Variants in CREG2 observed in about 807,000 individuals in gnomAD.
The protein encoded by CREG2 is cellular repressor of E1A stimulated genes 2.
CREG2 carries 24 observed loss-of-function variants against 26.2 expected under a neutral mutation model. That is an observed-to-expected ratio of 0.92 (90% CI 0.66 to 1.29). The LOEUF is 1.29. Among genes scored for constraint, CREG2 ranks in the 50% most tolerant of loss-of-function variants. The pLI, the probability that CREG2 is intolerant of heterozygous loss-of-function variation, is 0.00. For missense variants in CREG2, 366 were observed against 398.6 expected (o/e 0.92, Z 0.70); for synonymous variants, 174 against 169.2 (o/e 1.03, Z -0.22).
chr2:101,383,139 T>A, intron 2 of CREG2: 1 of 404,436 alleles, frequency 2.5e-6, no homozygotes, highest in Non-Finnish European at 3.5e-6. Context: ...GTTGCACGCC[T>A]CCGTGCTGGG....
Position 101,387,123 on chromosome 2 carries a change from T to C in CREG2, c.335A>G (p.Gln112Arg). The change falls in exon 1 of 4, where the codon CAG becomes CGG. Residue 112 changes from glutamine (Q) to arginine (R), a missense_variant. Physicochemically the swap from Gln to Arg is conservative, Grantham distance 43 (BLOSUM62 1). This residue lies in a region of CREG2 where 177 missense variants were observed against 183.3 expected (regional missense o/e 0.97). Transcript: ENST00000324768. This position sits in a 1 kb window ranked among gnomAD's most constrained non-coding sequence, Gnocchi z 4.7. ...AGGGCCCGGGGGCGCACTGGCCGTC[T>C]GGCCGCCCTCGCGCCGGTAGGAGAA... ...GMFSYRREGGQTASAPPGPRL... is the reference protein window; with the variant it reads ...GMFSYRREGGRTASAPPGPRL... The C allele has an allele frequency of 8.0e-7, 1 of 1,244,688 alleles. No homozygotes were observed. The highest frequency in any genetic ancestry group is 1.0e-6 in the Non-Finnish European group (1 of 995,446). The allele number at this position is 1,244,688 out of a possible 1,614,324, so 77.1% of individuals were successfully genotyped here.
intron 1 of CREG2, among the ~76,000 whole-genome samples, chr2:101,386,159 G>A (rs1325452989): frequency 6.6e-6 from 1 of 152,224 alleles, no homozygotes; most frequent in Admixed American, 6.5e-5. Flanking sequence ...TAATTTTATA[G>A]ACGAGGAAAG....
At chr2:101,355,540 C>T (rs1381813808) in intron 2 of CREG2, among the ~76,000 whole-genome samples, 174 bp from the exon 3 acceptor site, 2 of 152,066 alleles carry the variant, frequency 1.3e-5, no homozygotes, top group Non-Finnish European at 2.9e-5. Context: ...CTTTAAAATA[C>T]TCAGGCCTTG....
chr2:101,383,496 C>T (rs1382732109), intron 2 of CREG2, 37 bp downstream of exon 2: 7 of 1,609,972 alleles, frequency 4.3e-6, no homozygotes, highest in East Asian at 2.2e-5. Flanking sequence ...CAAAAACTTC[C>T]CAGGACCCGT....
intron 2 of CREG2, among the ~76,000 whole-genome samples, chr2:101,362,926 A>T (rs948805876): frequency 1.4e-4 from 21 of 152,054 alleles, no homozygotes; most frequent in African/African-American, 5.1e-4. Context: ...CCTGGTGGAG[A>T]GTGGCAGGAG....
At chr2:101,385,033 A>G (rs1684943830) in intron 1 of CREG2, among the ~76,000 whole-genome samples, 1 of 152,182 alleles carries the variant, frequency 6.6e-6, no homozygotes, top group Non-Finnish European at 1.5e-5. Flanking sequence ...CAGCATGCAG[A>G]ACTGTGAGCC....
At chr2:101,372,730 T>C (rs989673650) in intron 2 of CREG2, among the ~76,000 whole-genome samples, 1 of 152,200 alleles carries the variant, frequency 6.6e-6, no homozygotes, top group African/African-American at 2.4e-5. Context: ...AAACACAATA[T>C]TTGCAAGTCA....
At chr2:101,375,602 T>C in intron 2 of CREG2, 1 of 178,938 alleles carries the variant, frequency 5.6e-6, no homozygotes, top group Non-Finnish European at 1.2e-5. Flanking sequence ...GGTGGCTGAG[T>C]GCCCTCTGTG....
intron 2 of CREG2, among the ~76,000 whole-genome samples, chr2:101,372,521 C>G (rs1684724513): frequency 6.6e-6 from 1 of 152,200 alleles, no homozygotes; most frequent in South Asian, 2.1e-4. Context: ...TTTCTACACA[C>G]TAGAGAACTT....
At chr2:101,362,453 C>T (rs976429970) in intron 2 of CREG2, among the ~76,000 whole-genome samples, 4 of 152,184 alleles carry the variant, frequency 2.6e-5, no homozygotes, top group African/African-American at 9.7e-5. Flanking sequence ...TGAAAGGTTG[C>T]TCACTAATTA....
chr2:101,387,100 G>T lies in CREG2; in HGVS notation c.358C>A (p.Pro120Thr). 2 of 1,241,168 alleles carry T rather than the reference G, an allele frequency of 1.6e-6. No individual in the cohort carries two copies. The highest frequency in any genetic ancestry group is 2.0e-6 in the Non-Finnish European group (2 of 994,200). 76.9% of individuals were successfully genotyped at this position (1,241,168 alleles called of 1,614,324 possible). ...GGQTASAPPG[P>T]RLRAATARSL... Reference sequence around the variant, plus strand: ...CGGGCGGTGGCGGCGCGCAGTCTAGGGCCCGGGGGCGCACTGGCCGTCTGG... The same window carrying T: ...CGGGCGGTGGCGGCGCGCAGTCTAGTGCCCGGGGGCGCACTGGCCGTCTGG... Residue 120 changes from proline (P) to threonine (T), a missense_variant, in exon 1 of 4, where the codon CCT (proline) becomes ACT (threonine). Pro to Thr is a conservative substitution (Grantham distance 38). Around this residue, in one of 3 missense-constraint regions of CREG2, gnomAD observed 177 missense variants for 183.3 expected, o/e 0.97. Transcript: ENST00000324768. This position sits in a 1 kb window ranked among gnomAD's most constrained non-coding sequence, Gnocchi z 4.7.
At chr2:101,379,041 C>T (rs950343060) in intron 2 of CREG2, among the ~76,000 whole-genome samples, 2 of 152,000 alleles carry the variant, frequency 1.3e-5, no homozygotes, top group Non-Finnish European at 2.9e-5. Flanking sequence ...GAGAGATCAC[C>T]AACCTAGTAC....
rs572424261 is a variant in CREG2 at position 101,369,100 on chromosome 2, G to A, written c.612-13734C>T. 2.6e-5 allele frequency among the ~76,000 whole-genome samples: 4 copies of A among 152,348 alleles called. No homozygotes were observed. The East Asian group carries it at 5.8e-4, about 22-fold the overall frequency. ...AACTTTCTCCAAAGAGCAATGGGAAGGATTGAAGAATTTTAAGCTGGACAG... is the reference window on the plus strand; with the variant it reads ...AACTTTCTCCAAAGAGCAATGGGAAAGATTGAAGAATTTTAAGCTGGACAG... On this transcript the variant is annotated intron_variant, in intron 2 of 3. Coordinates refer to ENST00000324768, the MANE Select transcript of CREG2 (RefSeq NM_153836.4).
chr2:101,376,709 G>A (rs1024980513), intron 2 of CREG2, among the ~76,000 whole-genome samples: 2 of 152,140 alleles, frequency 1.3e-5, no homozygotes, highest in Admixed American at 6.5e-5. Context: ...AACATGATAC[G>A]AGCTTTTGCC....
chr2:101,354,075 T>C (rs911663818), intron 3 of CREG2, among the ~76,000 whole-genome samples: 6 of 151,982 alleles, frequency 3.9e-5, no homozygotes, highest in African/African-American at 1.2e-4. Context: ...TGTATACCTA[T>C]GTAACAAACC....
At chr2:101,366,112 A>G (rs1017795054) in intron 2 of CREG2, among the ~76,000 whole-genome samples, 6 of 152,176 alleles carry the variant, frequency 3.9e-5, no homozygotes, top group African/African-American at 1.2e-4. Context: ...CTAATTCATC[A>G]TCTTAGGAAA....
chr2:101,383,772 T>C, intron 1 of CREG2, 70 bp from the exon 2 acceptor site: 2 of 1,436,690 alleles, frequency 1.4e-6, no homozygotes, highest in Admixed American at 4.4e-5. Context: ...GCTTAGCTTG[T>C]GCCTCTGGCT....
rs774409460 is a variant in CREG2 at position 101,383,583 on chromosome 2, C to T, written c.561G>A (p.Lys187=). Residue 187 remains lysine, a synonymous_variant, in exon 2 of 4, where the codon AAG becomes AAA. Transcript: ENST00000324768. The part of the protein sequence containing the change: ...AKDPVVADLM[K]NPMASLMLPE... ...GCAGCATCAGCGAGGCCATGGGGTTCTTCATCAGATCAGCCACCACGGGGT... is the reference window on the plus strand; with the variant it reads ...GCAGCATCAGCGAGGCCATGGGGTTTTTCATCAGATCAGCCACCACGGGGT... The T allele has an allele frequency of 9.9e-6, 16 of 1,614,186 alleles. No individual in the cohort carries two copies. The highest frequency in any genetic ancestry group is 5.0e-5 in the Admixed American group (3 of 60,030).
In CREG2 at chr2:101,376,301, A is replaced by G. The variant is rs529464884; in HGVS notation, c.611+7232T>C. 1.0e-4 allele frequency among the ~76,000 whole-genome samples: 15 copies of G among 150,236 alleles called. No homozygotes were observed. The East Asian group carries it at 1.6e-3, about 16-fold the overall frequency. Reference sequence around the variant, plus strand: ...TCTTTTTCTTTTTTTTTTTTAACACAGAGTGTCACTCTGTTGCCCAAGCCG... The same window carrying G: ...TCTTTTTCTTTTTTTTTTTTAACACGGAGTGTCACTCTGTTGCCCAAGCCG... On this transcript the variant is annotated intron_variant, in intron 2 of 3. Coordinates refer to ENST00000324768, the MANE Select transcript of CREG2 (RefSeq NM_153836.4).
Sources: gnomAD v4.1 joint callset for allele counts (sites outside exome capture counted in the v4.1 genomes callset) on GRCh38, gnomAD v4.1.1 for gene constraint, gnomAD v4.1.1 regional missense constraint, Gnocchi (gnomAD v3.1) non-coding constraint, MANE v1.5 for transcripts, NCBI Gene and HGNC (gene_info 2026-07-23, HGNC 2026-07-21) for gene names.